The following WNT7A variants were observed in gnomAD, a reference collection of about 807,000 sequenced individuals.
WNT7A encodes protein Wnt-7a.
Under a neutral mutation model 28.2 loss-of-function variants are expected in WNT7A, and 16 were observed. The observed-to-expected ratio is 0.57, with a 90% CI of 0.38 to 0.86. The LOEUF is 0.86. WNT7A is among the 40% of genes least tolerant of loss of function. WNT7A has a pLI of 0.00. For missense variants in WNT7A, 411 were observed against 489.7 expected (o/e 0.84, Z 1.52); for synonymous variants, 190 against 195.9 (o/e 0.97, Z 0.25).
intron 2 of WNT7A, among the ~76,000 whole-genome samples, chr3:13,871,488 T>C (rs1234823867): frequency 6.6e-6 from 1 of 152,144 alleles, no homozygotes; most frequent in African/African-American, 2.4e-5. Context: ...CCTAGAAGTC[T>C]AGACCAGAGT....
intron 3 of WNT7A, among the ~76,000 whole-genome samples, chr3:13,834,352 G>T (rs1575062379): frequency 6.6e-6 from 1 of 152,102 alleles, no homozygotes; most frequent in East Asian, 1.9e-4. Context: ...AGAGGACTTG[G>T]ACCACAAGCT....
chr3:13,828,111 T>C (rs1397495661), intron 3 of WNT7A, among the ~76,000 whole-genome samples: 2 of 152,158 alleles, frequency 1.3e-5, no homozygotes, highest in African/African-American at 4.8e-5. Context: ...GTAGCCCCAC[T>C]GGTCATTGCT....
chr3:13,842,373 C>A (rs1694475046), intron 3 of WNT7A, among the ~76,000 whole-genome samples: 1 of 151,642 alleles, frequency 6.6e-6, no homozygotes, highest in Non-Finnish European at 1.5e-5. Context: ...GGGTAGAAAC[C>A]TGGGGTAAGG....
At chr3:13,856,370 C>A (rs1694729802) in intron 2 of WNT7A, among the ~76,000 whole-genome samples, 1 of 152,238 alleles carries the variant, frequency 6.6e-6, no homozygotes, top group Non-Finnish European at 1.5e-5. Flanking sequence ...AAATGCATAG[C>A]CAGTGCCTGG....
intron 3 of WNT7A, among the ~76,000 whole-genome samples, chr3:13,836,688 C>T (rs927838330): frequency 1.3e-5 from 2 of 152,130 alleles, no homozygotes. Context: ...ACAACCAGAC[C>T]GGTAGAAGGA....
chr3:13,875,120 G>C lies in WNT7A; in HGVS notation c.125C>G (p.Pro42Arg). 1 of 1,614,206 alleles carries C rather than the reference G, an allele frequency of 6.2e-7. No homozygotes were observed. The highest frequency in any genetic ancestry group is 8.5e-7 in the Non-Finnish European group (1 of 1,180,032). Residue 42 changes from proline to arginine, a missense_variant, in exon 2 of 4, where the codon CCA becomes CGA. Transcript: ENST00000285018. ...CGCCCGCTGTCTGGGAGCCAGGCCT[G>C]GGATCTTGTTACAGATGATGCTTGC... Reference protein sequence around the residue: ...LGASIICNKIPGLAPRQRAIC... With the variant: ...LGASIICNKIRGLAPRQRAIC...
chr3:13,879,800 C>T lies in WNT7A; in HGVS notation c.17G>A (p.Arg6Gln), dbSNP rs1161296631. 7 of 1,611,870 alleles carry T rather than the reference C, an allele frequency of 4.3e-6. No homozygotes were observed. Among genetic ancestry groups the T allele is most frequent in the Non-Finnish European group, 5.9e-6 (7 of 1,178,954 alleles). Reference sequence around the variant, plus strand: ...GAGAAAGAGGTGGCCCAGGCAGCGCCGCGCTTTCCGGTTCATAGTCCCGAT... The same window carrying T: ...GAGAAAGAGGTGGCCCAGGCAGCGCTGCGCTTTCCGGTTCATAGTCCCGAT... MNRKA[R>Q]RCLGHLFLSL... Residue 6 changes from arginine (R) to glutamine (Q), a missense_variant, in exon 1 of 4, where the codon CGG becomes CAG. By Grantham distance (43) the Arg-to-Gln change is conservative. Coordinates refer to ENST00000285018, the MANE Select transcript of WNT7A (RefSeq NM_004625.4).
rs553057735 is a variant in WNT7A, at chr3:13,871,565, G to A, written c.298+3382C>T. Among the ~76,000 whole-genome samples the A allele has an allele frequency of 3.9e-5, 6 of 151,978 alleles. No individual in the cohort carries two copies. The South Asian group carries it at 1.2e-3, about 32-fold the overall frequency. On this transcript the variant is annotated intron_variant, in intron 2 of 3. Transcript: ENST00000285018. Reference sequence around the variant, plus strand: ...CTCCCTCCTGGCTGGCCTTTAGGTTGTCACCATCCCTCCTTCCTAGCTGGC... The same window carrying A: ...CTCCCTCCTGGCTGGCCTTTAGGTTATCACCATCCCTCCTTCCTAGCTGGC...
chr3:13,854,527 C>T lies in WNT7A; in HGVS notation c.570+5G>A, dbSNP rs773495383. ...GCCGCCCAGCTGCCCTCCCTGGCTTCCTACCTTTCGGCCTGCCTCGTTGTT... is the reference window on the plus strand; with the variant it reads ...GCCGCCCAGCTGCCCTCCCTGGCTTTCTACCTTTCGGCCTGCCTCGTTGTT... On this transcript the variant is annotated splice_donor_5th_base_variant and intron_variant, in intron 3 of 3. Transcript: ENST00000285018. 1.2e-6 allele frequency: 2 copies of T among 1,613,998 alleles called. No individual in the cohort carries two copies. The highest frequency in any genetic ancestry group is 2.7e-5 in the African/African-American group (2 of 74,948).
chr3:13,854,429 A>T, intron 3 of WNT7A, 103 bp downstream of exon 3: 4 of 1,580,642 alleles, frequency 2.5e-6, no homozygotes, highest in Non-Finnish European at 3.5e-6. Flanking sequence ...CTGAGGGCAG[A>T]GCCCTGTGGC....
intron 3 of WNT7A, among the ~76,000 whole-genome samples, chr3:13,852,948 G>A (rs1694663947): frequency 6.6e-6 from 1 of 152,164 alleles, no homozygotes; most frequent in Non-Finnish European, 1.5e-5. Context: ...GCAGGCAGGA[G>A]GATGTATGGC....
chr3:13,862,783 G>A (rs955503866), intron 2 of WNT7A, among the ~76,000 whole-genome samples: 3 of 152,236 alleles, frequency 2.0e-5, no homozygotes, highest in Non-Finnish European at 4.4e-5. Flanking sequence ...TTCCCACTGA[G>A]CAAGGCCAGA....
At chr3:13,878,955 C>T (rs1224184052) in intron 1 of WNT7A, among the ~76,000 whole-genome samples, 1 of 152,218 alleles carries the variant, frequency 6.6e-6, no homozygotes, top group East Asian at 1.9e-4. Context: ...AGCCCCACCT[C>T]CACAGAAACG....
chr3:13,825,197 C>G (rs550566789), intron 3 of WNT7A, among the ~76,000 whole-genome samples: 4 of 152,316 alleles, frequency 2.6e-5, no homozygotes, highest in African/African-American at 9.6e-5. Flanking sequence ...AGGAGTCTTA[C>G]TTTTCATGGG....
intron 2 of WNT7A, among the ~76,000 whole-genome samples, chr3:13,873,333 G>A (rs1038040657): frequency 1.3e-5 from 2 of 151,906 alleles, no homozygotes; most frequent in Non-Finnish European, 2.9e-5. Context: ...GTCACCTGGT[G>A]ACATTTGTCA....
At chr3:13,856,895 A>G (rs1397928266) in intron 2 of WNT7A, among the ~76,000 whole-genome samples, 1 of 37,480 alleles carries the variant, frequency 2.7e-5, no homozygotes, top group African/African-American at 8.9e-5. Context: ...AAGAAGAAAA[A>G]GAAGAAGAAG....
intron 2 of WNT7A, among the ~76,000 whole-genome samples, chr3:13,863,365 T>G (rs1162728336): frequency 6.6e-6 from 1 of 152,054 alleles, no homozygotes; most frequent in Non-Finnish European, 1.5e-5. Flanking sequence ...CCTCAACAGT[T>G]GAATGAATGA....
intron 1 of WNT7A, among the ~76,000 whole-genome samples, chr3:13,877,597 AG>A (rs1290697144): frequency 6.6e-6 from 1 of 152,168 alleles, no homozygotes; most frequent in Non-Finnish European, 1.5e-5. Flanking sequence ...TTCTCATCCA[AG>A]CTTCCTTCAC....
chr3:13,824,800 G>T (rs369744662), intron 3 of WNT7A, among the ~76,000 whole-genome samples: 4 of 152,160 alleles, frequency 2.6e-5, no homozygotes, highest in African/African-American at 4.8e-5. Flanking sequence ...TGTACCCTGC[G>T]GGGAGGCTTG....
Sources: gnomAD v4.1 joint callset for allele counts (sites outside exome capture counted in the v4.1 genomes callset) on GRCh38, gnomAD v4.1.1 for gene constraint, MANE v1.5 for transcripts, NCBI Gene and HGNC (gene_info 2026-07-23, HGNC 2026-07-21) for gene names.